Variants in ABI2 observed in about 807,000 individuals in gnomAD.
ABI2 encodes the protein abl interactor 2.
Under a neutral mutation model 59.2 loss-of-function variants are expected in ABI2, and 25 were observed. The observed-to-expected ratio is 0.42, with a 90% CI of 0.31 to 0.59. ABI2 has a LOEUF of 0.59. Ranked by LOEUF, ABI2 falls within the 20% of genes least tolerant of loss-of-function variation. The pLI is 0.14. For missense variants in ABI2, 545 were observed against 681.8 expected, an observed-to-expected ratio of 0.80 and a Z score of 2.23; for synonymous variants, 213 against 235.5, an observed-to-expected ratio of 0.90 and a Z score of 0.87.
chr2:203,423,559 G>A (rs910901137), intron 11 of ABI2, among the ~76,000 whole-genome samples: 1 of 152,208 alleles, frequency 6.6e-6, no homozygotes, highest in Non-Finnish European at 1.5e-5. Flanking sequence ...ACGAGTAGCT[G>A]GGACTACAGG....
Position 203,338,951 on chromosome 2 carries a change from T to TATATAA in ABI2, c.117+10325_117+10326insAATATA, listed in dbSNP as rs1559154078. On this transcript the variant is annotated intron_variant, in intron 1 of 11. Coordinates refer to ENST00000261018, the MANE Select transcript of ABI2 (RefSeq NM_001375670.1). Reference sequence around the variant, plus strand: ...GTGTATATGTATATATATATATATATATATATATATAAATATATATATATA... The same window carrying TATATAA: ...GTGTATATGTATATATATATATATATATATAAATATATATATAAATATATATATATA... 3.8e-4 allele frequency among the ~76,000 whole-genome samples: 4 copies of TATATAA among 10,500 alleles called. 1 individual carries two copies. Among genetic ancestry groups the TATATAA allele is most frequent in the African/African-American group, 1.2e-3 (4 of 3,256 alleles). 6.9% of individuals were successfully genotyped at this position (10,500 alleles called of 152,430 possible).
At chr2:203,340,659 TGA>T (rs2079317937) in intron 1 of ABI2, among the ~76,000 whole-genome samples, 1 of 152,116 alleles carries the variant, frequency 6.6e-6, no homozygotes, top group Non-Finnish European at 1.5e-5. Flanking sequence ...TTTGCCTGGC[TGA>T]GAGTAGATTT....
chr2:203,338,943 T>TATATATATATATATATAA (rs2077934297), intron 1 of ABI2, among the ~76,000 whole-genome samples: 6 of 13,434 alleles, frequency 4.5e-4, no homozygotes, highest in African/African-American at 1.8e-3. Context: ...TGTATATATA[T>TATATATATATATATATAA]ATATATATAT....
At chr2:203,338,949 T>C (rs2077972465) in intron 1 of ABI2, among the ~76,000 whole-genome samples, 2 of 19,936 alleles carry the variant, frequency 1.0e-4, no homozygotes, top group Admixed American at 1.4e-3. Context: ...TATATATATA[T>C]ATATATATAT....
intron 2 of ABI2, among the ~76,000 whole-genome samples, chr2:203,379,744 G>A (rs1407467654): frequency 1.3e-5 from 2 of 152,122 alleles, no homozygotes; most frequent in African/African-American, 4.8e-5. Flanking sequence ...TTCTGTAAAG[G>A]AGCCAGCTAA....
intron 1 of ABI2, among the ~76,000 whole-genome samples, chr2:203,344,540 T>G (rs989942090): frequency 7.0e-6 from 1 of 142,920 alleles, no homozygotes; most frequent in Non-Finnish European, 1.5e-5. Context: ...TAATTTTTGC[T>G]TTGTTGTTGT....
intron 8 of ABI2, among the ~76,000 whole-genome samples, chr2:203,399,067 ATAGAATTGCTGGGTTATATTG>A (rs1291511790): frequency 6.6e-6 from 1 of 152,168 alleles, no homozygotes; most frequent in Non-Finnish European, 1.5e-5. Flanking sequence ...TACCTAGGGA[ATAGAATTGCTGGGTTATATTG>A]TAAGTAAATT....
intron 1 of ABI2, among the ~76,000 whole-genome samples, chr2:203,345,443 G>T (rs1042701051): frequency 6.6e-6 from 1 of 152,136 alleles, no homozygotes; most frequent in African/African-American, 2.4e-5. Context: ...GCCAGACCAA[G>T]AACCCACCGG....
intron 5 of ABI2, among the ~76,000 whole-genome samples, chr2:203,393,158 G>A (rs752914048): frequency 3.3e-5 from 5 of 152,150 alleles, no homozygotes; most frequent in African/African-American, 4.8e-5. Context: ...GCCTCCAGGC[G>A]ATTCTCCTGC....
intron 11 of ABI2, among the ~76,000 whole-genome samples, chr2:203,419,106 CT>C (rs748788810): frequency 0.029 from 3,644 of 126,272 alleles, 77 homozygotes; most frequent in African/African-American, 0.1. Context: ...AATTAAAGAT[CT>C]TTTTTTTTTT....
At chr2:203,332,781 A>G (rs2074441063) in intron 1 of ABI2, among the ~76,000 whole-genome samples, 1 of 152,256 alleles carries the variant, frequency 6.6e-6, no homozygotes, top group East Asian at 1.9e-4. Context: ...ATAACTCCCT[A>G]TTTGTTACTT....
chr2:203,404,774 G>A (rs539279507), intron 9 of ABI2, among the ~76,000 whole-genome samples: 1 of 152,138 alleles, frequency 6.6e-6, no homozygotes, highest in African/African-American at 2.4e-5. Flanking sequence ...GGCCAAGCTG[G>A]TCTTGAACTC....
At chr2:203,398,022 A>G (rs1029534444) in intron 8 of ABI2, among the ~76,000 whole-genome samples, 2 of 152,248 alleles carry the variant, frequency 1.3e-5, no homozygotes, top group Non-Finnish European at 2.9e-5. Flanking sequence ...GATTCAAAGC[A>G]TATCAATCAC....
chr2:203,404,647 C>T (rs1426489147), intron 9 of ABI2, among the ~76,000 whole-genome samples: 3 of 152,150 alleles, frequency 2.0e-5, no homozygotes, highest in Non-Finnish European at 4.4e-5. Flanking sequence ...CAACCTCTAC[C>T]TCCCGGGTTC....
At chr2:203,378,738 G>C (rs776106872) in intron 2 of ABI2, among the ~76,000 whole-genome samples, 22 of 152,130 alleles carry the variant, frequency 1.4e-4, no homozygotes, top group Non-Finnish European at 2.9e-4. Flanking sequence ...CTGGGGAGGA[G>C]TTAGCAAAAA....
At chr2:203,392,294 C>T (rs2096775942) in intron 5 of ABI2, among the ~76,000 whole-genome samples, 1 of 93,696 alleles carries the variant, frequency 1.1e-5, no homozygotes, top group Admixed American at 1.1e-4. Flanking sequence ...CCACCACCAC[C>T]ACCACCACCA....
At chr2:203,378,493 C>T (rs535154917) in intron 2 of ABI2, among the ~76,000 whole-genome samples, 55 of 152,242 alleles carry the variant, frequency 3.6e-4, no homozygotes, top group African/African-American at 1.2e-3. Flanking sequence ...TTTATACATT[C>T]GTTAGCTCTG....
Position 203,342,679 on chromosome 2 carries a change from A to G in ABI2, c.117+14048A>G, listed in dbSNP as rs553322447. On this transcript the variant is annotated intron_variant, in intron 1 of 11. Coordinates refer to ENST00000261018, the MANE Select transcript of ABI2 (RefSeq NM_001375670.1). ...ACTGCAGCCTCTGCCTCCTGGTCTC[A>G]GGCACTCCTTCTGCCTCAGCCTCCT... 3.4e-4 allele frequency among the ~76,000 whole-genome samples: 52 copies of G among 151,980 alleles called. No individual in the cohort carries two copies. The East Asian group carries it at 6.4e-3, about 19-fold the overall frequency.
At chr2:203,378,824 A>C (rs185440533) in intron 2 of ABI2, among the ~76,000 whole-genome samples, 56 of 152,274 alleles carry the variant, frequency 3.7e-4, no homozygotes, top group Non-Finnish European at 4.6e-4. Context: ...GTGATTTTTC[A>C]AACTCTTTTG....
Sources: allele counts gnomAD v4.1 joint callset (sites outside exome capture counted in the v4.1 genomes callset), GRCh38; gene constraint gnomAD v4.1.1; transcripts MANE v1.5; gene names NCBI Gene and HGNC (gene_info 2026-07-23, HGNC 2026-07-21).